The following ARHGAP19 variants were observed in gnomAD, a reference collection of about 807,000 sequenced individuals.
The protein encoded by ARHGAP19 is rho GTPase-activating protein 19.
ARHGAP19 carries 48 observed loss-of-function variants against 60.9 expected under a neutral mutation model. That is an observed-to-expected ratio of 0.79 (90% confidence interval 0.62 to 1.00). ARHGAP19 has a LOEUF of 1.00. ARHGAP19 is among the 50% of genes least tolerant of loss of function. The probability of loss-of-function intolerance (pLI) is 0.00; values close to 1 mark genes in which losing one functional copy is unlikely to be tolerated. For synonymous variants in ARHGAP19, 209 were observed against 215.5 expected, an observed-to-expected ratio of 0.97 and a Z score of 0.27; for missense variants, 562 against 597.2, an observed-to-expected ratio of 0.94 and a Z score of 0.61.
In ARHGAP19 at chr10:97,236,520, CAATAAGGTA is replaced by C. The variant is rs983759394; in HGVS notation, c.1186-1214_1186-1206del. On this transcript the variant is annotated intron_variant, in intron 8 of 11. Transcript: ENST00000358531. ...ATCTTTCCTGATGGTGGCAAGGGTA[CAATAAGGTA>C]AATTCTCTCATATCCAACTCAAGGG... Among the ~76,000 whole-genome samples, 55 of 152,112 alleles carry C rather than the reference CAATAAGGTA, an allele frequency of 3.6e-4. 1 individual carries two copies. The highest frequency in any genetic ancestry group is 1.3e-3 in the African/African-American group (55 of 41,482).
chr10:97,290,403 G>C (rs959992309), intron 1 of ARHGAP19, among the ~76,000 whole-genome samples: 1 of 152,136 alleles, frequency 6.6e-6, no homozygotes, highest in Non-Finnish European at 1.5e-5. Context: ...GCCTGGGTTC[G>C]TCCTAATCAA....
At chr10:97,289,311 T>C (rs1843199095) in intron 1 of ARHGAP19, among the ~76,000 whole-genome samples, 1 of 151,982 alleles carries the variant, frequency 6.6e-6, no homozygotes, top group Non-Finnish European at 1.5e-5. Flanking sequence ...AGATGGGGTT[T>C]CACTGTGTTC....
intron 8 of ARHGAP19, among the ~76,000 whole-genome samples, chr10:97,241,202 A>G (rs1352287656): frequency 6.6e-6 from 1 of 152,058 alleles, no homozygotes; most frequent in African/African-American, 2.4e-5. Context: ...GCATGCCTGT[A>G]ATCCCAGCTA....
intron 9 of ARHGAP19, among the ~76,000 whole-genome samples, chr10:97,233,993 G>C (rs182943095): frequency 1.3e-5 from 2 of 151,852 alleles, no homozygotes; most frequent in Non-Finnish European, 2.9e-5. Context: ...CTGGCCAGAC[G>C]CAATGGCTTA....
chr10:97,253,606 G>A (rs754272763), intron 6 of ARHGAP19, among the ~76,000 whole-genome samples: 2 of 152,068 alleles, frequency 1.3e-5, no homozygotes, highest in Admixed American at 1.3e-4. Context: ...TAACAACAAC[G>A]TATGGTATAT....
rs115963364 is a variant in ARHGAP19, at chr10:97,240,002, C to T, written c.1185+3966G>A. ...GGTTACAGGCATGAGCCACCCTGCT[C>T]GGCCCTGTACTAATGTTAATTTCTT... On this transcript the variant is annotated intron_variant, in intron 8 of 11. Transcript: ENST00000358531. 2.8e-3 allele frequency among the ~76,000 whole-genome samples: 421 copies of T among 152,012 alleles called. 2 individuals are homozygous for T. The highest frequency in any genetic ancestry group is 8.9e-3 in the African/African-American group (370 of 41,448).
chr10:97,262,732 G>C (rs1416930586), intron 4 of ARHGAP19, among the ~76,000 whole-genome samples: 1 of 152,094 alleles, frequency 6.6e-6, no homozygotes, highest in Non-Finnish European at 1.5e-5. Context: ...TAGAAATACT[G>C]AGCAAAAACC....
intron 9 of ARHGAP19, among the ~76,000 whole-genome samples, chr10:97,230,958 G>A (rs540121952): frequency 2.0e-5 from 3 of 149,698 alleles, no homozygotes; most frequent in Admixed American, 6.7e-5. Context: ...TCGGGAGGCC[G>A]AGGCATGAGA....
chr10:97,263,282 G>T, intron 4 of ARHGAP19, 138 bp downstream of exon 4: 1 of 812,052 alleles, frequency 1.2e-6, no homozygotes, highest in Non-Finnish European at 2.0e-6. Context: ...AGTACCCAGA[G>T]AAGTCCAGCA....
intron 1 of ARHGAP19, among the ~76,000 whole-genome samples, chr10:97,274,196 T>C (rs1360917838): frequency 6.6e-6 from 1 of 152,124 alleles, no homozygotes; most frequent in Non-Finnish European, 1.5e-5. Context: ...CCGGGCGCGG[T>C]GGCTCATGCC....
chr10:97,267,680 C>A (rs1842915565), intron 1 of ARHGAP19, among the ~76,000 whole-genome samples: 1 of 152,268 alleles, frequency 6.6e-6, no homozygotes, highest in Admixed American at 6.5e-5. Context: ...TGTGCACCCG[C>A]AGGCCCAAAA....
chr10:97,250,560 T>A (rs377449881), intron 6 of ARHGAP19, among the ~76,000 whole-genome samples: 1 of 151,638 alleles, frequency 6.6e-6, no homozygotes, highest in South Asian at 2.1e-4. Flanking sequence ...ATTTTTGTAG[T>A]AGAGATGGGG....
At chr10:97,257,057 C>G (rs1842764303) in intron 5 of ARHGAP19, among the ~76,000 whole-genome samples, 1 of 152,000 alleles carries the variant, frequency 6.6e-6, no homozygotes, top group African/African-American at 2.4e-5. Flanking sequence ...GGAGGCAGAG[C>G]TTGCAGTGAG....
chr10:97,292,491 C>T lies in ARHGAP19; in HGVS notation c.56+81G>A, dbSNP rs892551900. ...AAAGAAACAAAGCCCGAACCGTGCG[C>T]CTCCGTGACCCAAGGCAAAGGCGGC... On this transcript the variant is annotated intron_variant, in intron 1 of 11. Coordinates refer to ENST00000358531, the MANE Select transcript of ARHGAP19 (RefSeq NM_032900.6). 5 of 1,533,768 alleles carry T rather than the reference C, an allele frequency of 3.3e-6. No individual in the cohort carries two copies. In the African/African-American group the frequency reaches 4.1e-5, roughly 13 times the overall value.
chr10:97,235,005 A>T (rs1337519745), intron 9 of ARHGAP19, among the ~76,000 whole-genome samples: 10 of 152,118 alleles, frequency 6.6e-5, no homozygotes, highest in Non-Finnish European at 1.3e-4. Flanking sequence ...CCTTACTTCT[A>T]CTCCTCACGT....
intron 1 of ARHGAP19, among the ~76,000 whole-genome samples, chr10:97,288,970 A>T (rs921014270): frequency 6.6e-6 from 1 of 151,058 alleles, no homozygotes; most frequent in Non-Finnish European, 1.5e-5. Context: ...GCATGCCACC[A>T]TGCCTGGTTA....
rs140879890 is a variant in ARHGAP19, at chr10:97,244,607, T to C, written c.994-448A>G. Among the ~76,000 whole-genome samples the C allele has an allele frequency of 3.4e-3, 518 of 152,302 alleles. 3 individuals are homozygous for C. The highest frequency in any genetic ancestry group is 3.8e-3 in the Non-Finnish European group (261 of 68,032). On this transcript the variant is annotated intron_variant, in intron 7 of 11. Transcript: ENST00000358531. ...CCCAAGGGCTCTGACTCTTGGCTAA[T>C]ACTCCTTCCCACACATGGCAACTTA... is the stretch of plus-strand genomic sequence containing the variant.
At chr10:97,253,245 G>T (rs763132844) in intron 6 of ARHGAP19, among the ~76,000 whole-genome samples, 3 of 152,046 alleles carry the variant, frequency 2.0e-5, no homozygotes, top group African/African-American at 4.8e-5. Context: ...CAGTGTAGTG[G>T]TGCGTGCCTG....
At chr10:97,240,382 T>C (rs1002416213) in intron 8 of ARHGAP19, among the ~76,000 whole-genome samples, 1 of 152,218 alleles carries the variant, frequency 6.6e-6, no homozygotes, top group Non-Finnish European at 1.5e-5. Context: ...TTGGGCATGG[T>C]GACTCATGCC....
Sources: gnomAD v4.1 joint callset for allele counts (sites outside exome capture counted in the v4.1 genomes callset) on GRCh38, gnomAD v4.1.1 for gene constraint, MANE v1.5 for transcripts, NCBI Gene and HGNC (gene_info 2026-07-23, HGNC 2026-07-21) for gene names.